The following GREM2 variants were observed in gnomAD, a reference collection of about 807,000 sequenced individuals.
GREM2 encodes the protein gremlin-2.
GREM2 carries 11 observed loss-of-function variants against 14.2 expected under a neutral mutation model. That is an observed-to-expected ratio of 0.78 (90% CI 0.49 to 1.28). GREM2 has a LOEUF of 1.28. GREM2 is among the 50% of genes most tolerant of loss of function. The pLI is 0.00. For synonymous variants in GREM2, 98 were observed against 97.6 expected, an observed-to-expected ratio of 1.00 and a Z score of -0.02; for missense variants, 210 against 218.5, an observed-to-expected ratio of 0.96 and a Z score of 0.24.
At chr1:240,548,872 G>A (rs1455283508) in intron 1 of GREM2, among the ~76,000 whole-genome samples, 2 of 152,194 alleles carry the variant, frequency 1.3e-5, no homozygotes, top group Non-Finnish European at 2.9e-5. Flanking sequence ...CTAGGTCCAT[G>A]TAGAAGCCTA....
intron 1 of GREM2, among the ~76,000 whole-genome samples, chr1:240,547,088 A>G (rs1292191082): frequency 1.3e-5 from 2 of 152,168 alleles, no homozygotes; most frequent in Non-Finnish European, 2.9e-5. Context: ...AGTAAAGGCT[A>G]TGCTAGATGG....
intron 1 of GREM2, among the ~76,000 whole-genome samples, chr1:240,564,524 AAAAT>A (rs1020071270): frequency 2.0e-5 from 3 of 151,256 alleles, no homozygotes; most frequent in Middle Eastern, 3.2e-3. Flanking sequence ...AAAAAAAATT[AAAAT>A]AAATAAATAA....
chr1:240,495,284 G>A (rs1483556481), intron 1 of GREM2, among the ~76,000 whole-genome samples: 1 of 151,994 alleles, frequency 6.6e-6, no homozygotes, highest in Non-Finnish European at 1.5e-5. Flanking sequence ...CCTTCTCTAG[G>A]ACTCCATGAA....
intron 1 of GREM2, among the ~76,000 whole-genome samples, chr1:240,568,331 C>T (rs922227522): frequency 6.6e-6 from 1 of 151,808 alleles, no homozygotes; most frequent in South Asian, 2.1e-4. Flanking sequence ...CAATAACAAA[C>T]AGTTATAGCA....
At chr1:240,535,853 G>A (rs954902764) in intron 1 of GREM2, among the ~76,000 whole-genome samples, 59 of 151,404 alleles carry the variant, frequency 3.9e-4, no homozygotes, top group Non-Finnish European at 8.8e-5. Context: ...CAGATACCCT[G>A]AGTAAAAAGA....
chr1:240,577,466 T>A lies in GREM2; in HGVS notation c.-2+34418A>T, dbSNP rs547516466. On this transcript the variant is annotated intron_variant, in intron 1 of 1. Transcript: ENST00000318160. ...CTTGAGAATTAAGGGCTTTTCTTTGTTCAGTTTGGGTTCTCACCATTTGGA... is the reference window on the plus strand; with the variant it reads ...CTTGAGAATTAAGGGCTTTTCTTTGATCAGTTTGGGTTCTCACCATTTGGA... Among the ~76,000 whole-genome samples, 3 of 152,298 alleles carry A rather than the reference T, an allele frequency of 2.0e-5. No homozygotes were observed. The South Asian group carries it at 6.2e-4, about 32-fold the overall frequency.
At chr1:240,496,044 C>A (rs550196274) in intron 1 of GREM2, among the ~76,000 whole-genome samples, 146 of 152,164 alleles carry the variant, frequency 9.6e-4, no homozygotes, top group African/African-American at 3.3e-3. Flanking sequence ...TCAAGCAATT[C>A]TCCTGCCTCA....
At chr1:240,559,048 G>T (rs1013492547) in intron 1 of GREM2, among the ~76,000 whole-genome samples, 1 of 151,958 alleles carries the variant, frequency 6.6e-6, no homozygotes, top group Non-Finnish European at 1.5e-5. Flanking sequence ...CCCTTTCTAC[G>T]TAATTATTGT....
intron 1 of GREM2, among the ~76,000 whole-genome samples, chr1:240,610,719 T>C (rs1018543954): frequency 1.5e-4 from 23 of 152,142 alleles, no homozygotes; most frequent in African/African-American, 5.3e-4. Context: ...CTGGGAAGAG[T>C]GCTGTTTAGA....
intron 1 of GREM2, among the ~76,000 whole-genome samples, chr1:240,519,648 C>A (rs1370028367): frequency 6.6e-6 from 1 of 152,058 alleles, no homozygotes; most frequent in Non-Finnish European, 1.5e-5. Flanking sequence ...TTTTCTGAAA[C>A]CAATCCTTAT....
At chr1:240,586,851 A>C (rs755991483) in intron 1 of GREM2, among the ~76,000 whole-genome samples, 75 of 152,222 alleles carry the variant, frequency 4.9e-4, no homozygotes, top group Non-Finnish European at 9.3e-4. Context: ...AAAGATGCCT[A>C]TCAGGGGTTC....
intron 1 of GREM2, among the ~76,000 whole-genome samples, chr1:240,557,147 G>A (rs1456063573): frequency 6.6e-6 from 1 of 151,406 alleles, no homozygotes; most frequent in Non-Finnish European, 1.5e-5. Context: ...TCCAGCCTGG[G>A]TGACAGTAAG....
chr1:240,534,692 C>CAA (rs5782153), intron 1 of GREM2, among the ~76,000 whole-genome samples: 147 of 115,228 alleles, frequency 1.3e-3, no homozygotes, highest in Non-Finnish European at 1.6e-3. Flanking sequence ...GACTCCATCT[C>CAA]AAAAAAAAAA....
intron 1 of GREM2, among the ~76,000 whole-genome samples, chr1:240,578,765 C>T (rs1679421585): frequency 6.6e-6 from 1 of 150,642 alleles, no homozygotes. Context: ...GCCTGGGTAA[C>T]AGAGTGACAC....
rs946758600 is a variant in GREM2, at chr1:240,543,211, A to G, written c.-1-49735T>C. On this transcript the variant is annotated intron_variant, in intron 1 of 1. Coordinates refer to ENST00000318160, the MANE Select transcript of GREM2 (RefSeq NM_022469.4). The surrounding 1 kb of genome is among the most constrained non-coding windows in gnomAD (Gnocchi z 6.4). ...TGAAGACTGCTCTACGGCCTAGGACAGTAATCAGAGAAAATGCACTGTAAA... is the reference window on the plus strand; with the variant it reads ...TGAAGACTGCTCTACGGCCTAGGACGGTAATCAGAGAAAATGCACTGTAAA... 2.0e-5 allele frequency among the ~76,000 whole-genome samples: 3 copies of G among 152,358 alleles called. No homozygotes were observed. The highest frequency in any genetic ancestry group is 1.3e-4 in the Admixed American group (2 of 15,308).
rs34702912 is a variant in GREM2 at position 240,514,247 on chromosome 1, C to CAA, written c.-1-20773_-1-20772dup. On this transcript the variant is annotated intron_variant, in intron 1 of 1. Coordinates refer to ENST00000318160, the MANE Select transcript of GREM2 (RefSeq NM_022469.4). Reference sequence around the variant, plus strand: ...GGGCAACAATAGCGAGATTCCATCTCAAAAAAAAAAAAAAAAAAAAAAGCG... The same window carrying CAA: ...GGGCAACAATAGCGAGATTCCATCTCAAAAAAAAAAAAAAAAAAAAAAAAGCG... Among the ~76,000 whole-genome samples the CAA allele has an allele frequency of 1.8e-3, 143 of 79,622 alleles. 1 individual carries two copies. Among genetic ancestry groups the CAA allele is most frequent in the Non-Finnish European group, 2.1e-3 (87 of 41,696 alleles). The allele number at this position is 79,622 out of a possible 152,430, so 52.2% of individuals were successfully genotyped here.
Position 240,497,651 on chromosome 1 carries a change from G to GTT in GREM2, c.-1-4177_-1-4176dup, listed in dbSNP as rs71498915. 9.4e-4 allele frequency among the ~76,000 whole-genome samples: 133 copies of GTT among 140,884 alleles called. 1 individual carries two copies. Among genetic ancestry groups the GTT allele is most frequent in the Admixed American group, 1.6e-3 (23 of 14,332 alleles). 92.4% of individuals were successfully genotyped at this position (140,884 alleles called of 152,430 possible). ...TGAAAGCAGAAAGGAGAAAAAAAAA[G>GTT]TTTTTTTTTTTTTGCAAAAACATTT... On this transcript the variant is annotated intron_variant, in intron 1 of 1. Transcript: ENST00000318160.
At chr1:240,531,672 C>A in intron 1 of GREM2, 1 of 984,722 alleles carries the variant, frequency 1.0e-6, no homozygotes, top group Non-Finnish European at 1.2e-6. Context: ...GTGGACTCAG[C>A]TCTGAGTGCT....
intron 1 of GREM2, among the ~76,000 whole-genome samples, chr1:240,527,262 C>G (rs1018475614): frequency 9.2e-5 from 14 of 152,190 alleles, no homozygotes; most frequent in Non-Finnish European, 2.9e-5. Context: ...ACAAGATGCA[C>G]AGTTGTTGAT....
Sources: gnomAD v4.1 joint callset for allele counts (sites outside exome capture counted in the v4.1 genomes callset) on GRCh38, gnomAD v4.1.1 for gene constraint, Gnocchi (gnomAD v3.1) non-coding constraint, MANE v1.5 for transcripts, NCBI Gene and HGNC (gene_info 2026-07-23, HGNC 2026-07-21) for gene names.